KCNIP4: variants seen among roughly 807,000 people sequenced by gnomAD.
KCNIP4 encodes the protein potassium voltage-gated channel interacting protein 4.
In KCNIP4, 12 loss-of-function variants were observed where a neutral mutation model predicts 34.0. That is an observed-to-expected ratio of 0.35 (90% CI 0.23 to 0.57). KCNIP4 has a LOEUF of 0.57. KCNIP4 is among the 20% of genes least tolerant of loss of function. KCNIP4 has a pLI of 0.83. For synonymous variants in KCNIP4, 124 were observed against 102.2 expected (o/e 1.21, Z -1.29); for missense variants, 238 against 311.7 (o/e 0.76, Z 1.78).
intron 3 of KCNIP4, among the ~76,000 whole-genome samples, chr4:20,790,328 T>G (rs938057768): frequency 6.6e-6 from 1 of 152,166 alleles, no homozygotes; most frequent in African/African-American, 2.4e-5. Context: ...CCTAGGACAT[T>G]GCTGTACACT....
chr4:21,309,641 A>G (rs1712907877), intron 1 of KCNIP4, among the ~76,000 whole-genome samples: 1 of 152,124 alleles, frequency 6.6e-6, no homozygotes, highest in Non-Finnish European at 1.5e-5. Flanking sequence ...TGTAAACCCT[A>G]TGAGGCAGCT....
At chr4:21,073,672 T>A (rs959819063) in intron 1 of KCNIP4, among the ~76,000 whole-genome samples, 4 of 152,190 alleles carry the variant, frequency 2.6e-5, no homozygotes, top group African/African-American at 9.7e-5. Flanking sequence ...TCCAACACTA[T>A]GTTGAATAGG....
At chr4:20,981,572 C>T (rs1050680727) in intron 1 of KCNIP4, among the ~76,000 whole-genome samples, 1 of 152,136 alleles carries the variant, frequency 6.6e-6, no homozygotes, top group South Asian at 2.1e-4. Context: ...TGCTTCTGCT[C>T]GCAGTTACAT....
chr4:21,239,505 C>T (rs1759633266), intron 1 of KCNIP4, among the ~76,000 whole-genome samples: 1 of 151,860 alleles, frequency 6.6e-6, no homozygotes, highest in Non-Finnish European at 1.5e-5. Context: ...CCAGAATCTA[C>T]AATGAACTCA....
At chr4:21,317,193 T>C (rs1713857358) in intron 1 of KCNIP4, among the ~76,000 whole-genome samples, 1 of 152,204 alleles carries the variant, frequency 6.6e-6, no homozygotes, top group Non-Finnish European at 1.5e-5. Flanking sequence ...TAGTTTTTAC[T>C]ATTGAGTTGG....
intron 1 of KCNIP4, among the ~76,000 whole-genome samples, chr4:21,528,588 A>G (rs1400769659): frequency 6.6e-6 from 1 of 151,018 alleles, no homozygotes; most frequent in Non-Finnish European, 1.5e-5. Context: ...AATCACTTAA[A>G]CTTGGGAGGT....
chr4:21,004,149 G>A (rs1738361843), intron 1 of KCNIP4, among the ~76,000 whole-genome samples: 1 of 152,174 alleles, frequency 6.6e-6, no homozygotes, highest in African/African-American at 2.4e-5. Context: ...GGAAGATACA[G>A]CATCCAAGAC....
intron 1 of KCNIP4, chr4:21,845,170 C>G (rs564330996): frequency 6.6e-6 from 1 of 152,014 alleles, no homozygotes; most frequent in South Asian, 2.1e-4. Flanking sequence ...CTCTATTATC[C>G]AAATAGAGGG....
At chr4:21,793,100 C>G (rs1285482327) in intron 1 of KCNIP4, among the ~76,000 whole-genome samples, 1 of 152,058 alleles carries the variant, frequency 6.6e-6, no homozygotes, top group African/African-American at 2.4e-5. Flanking sequence ...TTTGTTGTAC[C>G]TTTAAAAAAA....
At chr4:20,733,705 T>A (rs369327599) in intron 6 of KCNIP4, among the ~76,000 whole-genome samples, 3 of 152,168 alleles carry the variant, frequency 2.0e-5, no homozygotes, top group African/African-American at 7.2e-5. Context: ...ATATTCATGA[T>A]ATAAAAATAT....
chr4:21,778,648 A>G (rs1023476278), intron 1 of KCNIP4, among the ~76,000 whole-genome samples: 4 of 152,194 alleles, frequency 2.6e-5, no homozygotes, highest in African/African-American at 9.6e-5. Flanking sequence ...TCATTTTTAG[A>G]GCAAAGGTAG....
intron 1 of KCNIP4, among the ~76,000 whole-genome samples, chr4:20,982,964 ATG>A (rs1560620957): frequency 6.6e-6 from 1 of 152,264 alleles, no homozygotes; most frequent in Non-Finnish European, 1.5e-5. Flanking sequence ...AGGAGATTGC[ATG>A]TAGAATTGAT....
chr4:21,680,347 C>T (rs766262116), intron 1 of KCNIP4, among the ~76,000 whole-genome samples: 1 of 152,186 alleles, frequency 6.6e-6, no homozygotes, highest in East Asian at 1.9e-4. Flanking sequence ...TTCTAATCCT[C>T]GTTTTCTTGC....
intron 1 of KCNIP4, among the ~76,000 whole-genome samples, chr4:21,284,518 C>A (rs1440239761): frequency 6.6e-6 from 1 of 152,024 alleles, no homozygotes; most frequent in Non-Finnish European, 1.5e-5. Flanking sequence ...ATACACATGG[C>A]TTTTGAAGGG....
intron 1 of KCNIP4, among the ~76,000 whole-genome samples, chr4:21,166,605 A>G (rs955457058): frequency 2.6e-5 from 4 of 152,212 alleles, no homozygotes; most frequent in African/African-American, 7.2e-5. Flanking sequence ...AGCATTATTC[A>G]TAATAGCCCC....
intron 1 of KCNIP4, among the ~76,000 whole-genome samples, chr4:21,386,504 T>C (rs977648030): frequency 6.6e-5 from 10 of 152,220 alleles, no homozygotes; most frequent in African/African-American, 2.4e-4. Context: ...TTTCCCCTGT[T>C]GTGATACACC....
intron 1 of KCNIP4, among the ~76,000 whole-genome samples, chr4:21,879,470 G>A (rs534620266): frequency 6.6e-6 from 1 of 152,344 alleles, no homozygotes; most frequent in Non-Finnish European, 1.5e-5. Flanking sequence ...CCTGACTGTT[G>A]GCTGAAGAGT....
At chr4:21,429,808 A>G (rs1235915845) in intron 1 of KCNIP4, among the ~76,000 whole-genome samples, 2 of 152,196 alleles carry the variant, frequency 1.3e-5, no homozygotes, top group African/African-American at 4.8e-5. Context: ...TAAAACCCGT[A>G]TCTTTAATTA....
chr4:21,548,052 A>G (rs553220443), intron 1 of KCNIP4, among the ~76,000 whole-genome samples: 1 of 152,140 alleles, frequency 6.6e-6, no homozygotes, highest in South Asian at 2.1e-4. Context: ...TCTTACATTT[A>G]TTCACACATA....
Sources: gnomAD v4.1 joint callset for allele counts (sites outside exome capture counted in the v4.1 genomes callset) on GRCh38, gnomAD v4.1.1 for gene constraint, MANE v1.5 for transcripts, NCBI Gene and HGNC (gene_info 2026-07-23, HGNC 2026-07-21) for gene names.